Variants in PIK3C2G observed in about 807,000 individuals in gnomAD.
PIK3C2G encodes the protein phosphatidylinositol 3-kinase C2 domain-containing subunit gamma.
In PIK3C2G, 168 loss-of-function variants were observed where a neutral mutation model predicts 181.1. The ratio of observed to expected loss-of-function variants is 0.93; its 90% confidence interval spans 0.82 to 1.05. The LOEUF (loss-of-function observed/expected upper bound fraction) is 1.05, where lower values mean the gene tolerates loss of function less well. Ranked by LOEUF, PIK3C2G falls within the 50% of genes least tolerant of loss-of-function variation. PIK3C2G has a pLI of 0.00. For missense variants in PIK3C2G, 1,869 were observed against 1,732.8 expected (o/e 1.08, Z -1.40); for synonymous variants, 573 against 592.2 (o/e 0.97, Z 0.47).
intron 18 of PIK3C2G, among the ~76,000 whole-genome samples, chr12:18,437,604 C>T (rs942588440): frequency 6.6e-6 from 1 of 152,068 alleles, no homozygotes; most frequent in East Asian, 1.9e-4. Context: ...GTATGTGTCA[C>T]TTTCCTTTTT....
intron 30 of PIK3C2G, among the ~76,000 whole-genome samples, chr12:18,600,920 CA>C (rs1459960071): frequency 2.6e-5 from 4 of 151,936 alleles, no homozygotes; most frequent in Admixed American, 1.3e-4. Context: ...ACTTCCAGAG[CA>C]GAGAAAAAGA....
intron 18 of PIK3C2G, among the ~76,000 whole-genome samples, chr12:18,460,623 CATATATAT>C (rs144060852): frequency 2.2e-5 from 3 of 136,136 alleles, no homozygotes; most frequent in African/African-American, 5.5e-5. Context: ...ACATCATATT[CATATATAT>C]ATATATATAT....
At chr12:18,598,449 T>G (rs1947503771) in intron 30 of PIK3C2G, among the ~76,000 whole-genome samples, 1 of 151,610 alleles carries the variant, frequency 6.6e-6, no homozygotes, top group Non-Finnish European at 1.5e-5. Flanking sequence ...TAGCCATATG[T>G]AGAAAGCTGA....
intron 31 of PIK3C2G, among the ~76,000 whole-genome samples, chr12:18,627,192 A>G (rs1026385907): frequency 4.6e-5 from 7 of 151,678 alleles, no homozygotes; most frequent in Non-Finnish European, 1.0e-4. Context: ...TTCAGTCATT[A>G]TATTCTTCTT....
intron 12 of PIK3C2G, among the ~76,000 whole-genome samples, chr12:18,369,048 A>G (rs189628021): frequency 1.3e-5 from 2 of 152,186 alleles, no homozygotes; most frequent in South Asian, 4.1e-4. Context: ...TGTCATCTTC[A>G]GTACTCTAAT....
At chr12:18,355,839 A>G (rs894233130) in intron 11 of PIK3C2G, among the ~76,000 whole-genome samples, 6 of 152,210 alleles carry the variant, frequency 3.9e-5, no homozygotes, top group Admixed American at 2.0e-4. Flanking sequence ...CTAAACATAC[A>G]TTCTGCCTAG....
intron 32 of PIK3C2G, among the ~76,000 whole-genome samples, chr12:18,641,949 C>T (rs890593316): frequency 1.3e-5 from 2 of 152,062 alleles, no homozygotes; most frequent in South Asian, 2.1e-4. Flanking sequence ...GGGGTTTTGC[C>T]GTGTTGGTCA....
At chr12:18,436,604 T>G (rs1946462601) in intron 18 of PIK3C2G, among the ~76,000 whole-genome samples, 2 of 152,008 alleles carry the variant, frequency 1.3e-5, no homozygotes, top group Non-Finnish European at 2.9e-5. Context: ...ACCTATTGAA[T>G]GAATAAAAAT....
chr12:18,315,743 C>A (rs1950831662), intron 6 of PIK3C2G, among the ~76,000 whole-genome samples: 1 of 152,092 alleles, frequency 6.6e-6, no homozygotes, highest in African/African-American at 2.4e-5. Flanking sequence ...CAGAGAAGTA[C>A]AGATTTGAGC....
intron 25 of PIK3C2G, among the ~76,000 whole-genome samples, chr12:18,543,511 T>C (rs1485057467): frequency 5.3e-5 from 8 of 152,012 alleles, no homozygotes; most frequent in Non-Finnish European, 1.2e-4. Context: ...TTCCAGATTT[T>C]TATAGCTTTG....
the PIK3C2G span, among the ~76,000 whole-genome samples, chr12:18,709,785 T>C: frequency 6.6e-6 from 1 of 152,146 alleles, no homozygotes; most frequent in Non-Finnish European, 1.5e-5. Context: ...TTATATCTTC[T>C]GATTCAGGAG....
At position 18,417,934 on chromosome 12, in the gene PIK3C2G, T is replaced by G. The variant is rs568214755; in HGVS notation, c.2316-3007T>G. Among the ~76,000 whole-genome samples, 11 of 152,226 alleles carry G rather than the reference T, an allele frequency of 7.2e-5. No homozygotes were observed. The South Asian group carries it at 2.3e-3, about 32-fold the overall frequency. Reference sequence around the variant, plus strand: ...AAAAAAGATCTGGAATTTATATGAGTGGTATTTATAAAATTAAACCTATTG... The same window carrying G: ...AAAAAAGATCTGGAATTTATATGAGGGGTATTTATAAAATTAAACCTATTG... On this transcript the variant is annotated intron_variant, in intron 16 of 32. Transcript: ENST00000538779.
In PIK3C2G at chr12:18,541,978, T is replaced by C. The variant is rs551272156; in HGVS notation, c.3480+3666T>C. ...GGGAGAGAACTATTATAGGTTCATC[T>C]GGTATGAAGCAGTCTGTACTTGGCA... On this transcript the variant is annotated intron_variant, in intron 25 of 32. Transcript: ENST00000538779. Among the ~76,000 whole-genome samples the C allele has an allele frequency of 5.5e-4, 84 of 151,990 alleles. No homozygotes were observed. The South Asian group carries it at 0.017, about 31-fold the overall frequency.
chr12:18,653,254 A>C (rs1488038695), downstream of PIK3C2G, among the ~76,000 whole-genome samples: 2 of 152,190 alleles, frequency 1.3e-5, no homozygotes, highest in Non-Finnish European at 2.9e-5. Flanking sequence ...AGCCATCATT[A>C]GTCACATATT....
At chr12:18,351,943 T>TG (rs1301707689) in intron 11 of PIK3C2G, among the ~76,000 whole-genome samples, 2 of 152,212 alleles carry the variant, frequency 1.3e-5, no homozygotes, top group African/African-American at 2.4e-5. Flanking sequence ...AGATGTGTAG[T>TG]GGGCTTTGCC....
intron 29 of PIK3C2G, among the ~76,000 whole-genome samples, chr12:18,575,191 T>G (rs575815191): frequency 2.6e-5 from 4 of 152,284 alleles, no homozygotes; most frequent in African/African-American, 9.6e-5. Flanking sequence ...TAGATCCCTT[T>G]CAGCAGTTAC....
intron 18 of PIK3C2G, among the ~76,000 whole-genome samples, chr12:18,466,992 A>G (rs1347376736): frequency 1.3e-5 from 2 of 151,936 alleles, no homozygotes; most frequent in Non-Finnish European, 2.9e-5. Flanking sequence ...AATCAACAGG[A>G]CTCTTAATTT....
chr12:18,556,286 T>C lies in PIK3C2G; in HGVS notation c.3591-6417T>C, dbSNP rs565351742. Among the ~76,000 whole-genome samples the C allele has an allele frequency of 3.9e-5, 6 of 152,264 alleles. No homozygotes were observed. In the South Asian group the frequency reaches 1.2e-3, roughly 32 times the overall value. ...ATCCTCACAGAGGCCTGAAACCGAC[T>C]ACACTCAGAGCCCCAGTCCCAAGTC... is the stretch of plus-strand genomic sequence containing the variant. On this transcript the variant is annotated intron_variant, in intron 26 of 32. Coordinates refer to ENST00000538779, the MANE Select transcript of PIK3C2G (RefSeq NM_001288772.2).
intron 30 of PIK3C2G, among the ~76,000 whole-genome samples, chr12:18,599,933 C>T (rs1947617008): frequency 6.6e-6 from 1 of 151,736 alleles, no homozygotes; most frequent in African/African-American, 2.4e-5. Context: ...TTGACAGCAA[C>T]ATATATAAAG....
Sources: allele counts gnomAD v4.1 joint callset (sites outside exome capture counted in the v4.1 genomes callset), GRCh38; gene constraint gnomAD v4.1.1; transcripts MANE v1.5; gene names NCBI Gene and HGNC (gene_info 2026-07-23, HGNC 2026-07-21).